The following RBFOX1 variants were observed in gnomAD, a reference collection of about 807,000 sequenced individuals.
RBFOX1 encodes RNA binding protein fox-1 homolog 1.
A neutral mutation model predicts 57.7 loss-of-function variants in RBFOX1; 8 were observed. The ratio of observed to expected loss-of-function variants is 0.14; its 90% CI spans 0.08 to 0.25. RBFOX1 has a LOEUF of 0.25. RBFOX1 is among the 10% of genes least tolerant of loss of function. The pLI, the probability that RBFOX1 is intolerant of heterozygous loss-of-function variation, is 1.00. For missense variants in RBFOX1, 611 were observed against 548.5 expected (o/e 1.11, Z -1.14); for synonymous variants, 326 against 222.4 (o/e 1.47, Z -4.15).
At chr16:7,122,066 G>T (rs1357490725) in intron 4 of RBFOX1, among the ~76,000 whole-genome samples, 1 of 151,956 alleles carries the variant, frequency 6.6e-6, no homozygotes, top group East Asian at 1.9e-4. Flanking sequence ...AGAACACATG[G>T]GTAAAATATT....
chr16:5,736,899 C>T (rs1311149487), intron 3 of RBFOX1, among the ~76,000 whole-genome samples: 1 of 145,844 alleles, frequency 6.9e-6, no homozygotes, highest in Admixed American at 6.9e-5. Flanking sequence ...CTCTCTCTCC[C>T]CCTCCGTCTC....
rs1488703608 is a variant in RBFOX1, at chr16:5,434,772, C to A, written c.220-32444C>A. Among the ~76,000 whole-genome samples, 11 of 152,164 alleles carry A rather than the reference C, an allele frequency of 7.2e-5. 1 individual carries two copies. Among genetic ancestry groups the A allele is most frequent in the Non-Finnish European group, 5.9e-5 (4 of 68,034 alleles). On this transcript the variant is annotated intron_variant, in intron 1 of 2. Coordinates refer to the RBFOX1 transcript ENST00000585867. ...TTGTCCTTTGTCTTATCTGGCTATA[C>A]CCTGACTTTGCATAGTTATATAACT...
intron 1 of RBFOX1, among the ~76,000 whole-genome samples, chr16:5,418,587 C>A (rs2067222917): frequency 6.6e-6 from 1 of 151,992 alleles, no homozygotes; most frequent in Non-Finnish European, 1.5e-5. Context: ...GGAATGTGAA[C>A]CAGTTTATGG....
intron 3 of RBFOX1, among the ~76,000 whole-genome samples, chr16:6,995,757 T>C (rs746012557): frequency 2.6e-5 from 4 of 152,144 alleles, no homozygotes; most frequent in Admixed American, 6.6e-5. Flanking sequence ...TGAGACTCCA[T>C]CTTAAAAAAA....
At chr16:5,448,843 G>A (rs764091981) in intron 1 of RBFOX1, among the ~76,000 whole-genome samples, 11 of 152,152 alleles carry the variant, frequency 7.2e-5, no homozygotes, top group Non-Finnish European at 7.4e-5. Flanking sequence ...AGCAGATAAA[G>A]ATCTCTGTCC....
intron 3 of RBFOX1, among the ~76,000 whole-genome samples, chr16:7,013,439 T>G (rs2093748864): frequency 6.6e-6 from 1 of 152,192 alleles, no homozygotes; most frequent in African/African-American, 2.4e-5. Context: ...TTGCTACGAC[T>G]GGGAAGAGGA....
At chr16:7,093,305 C>T (rs139791255) in intron 4 of RBFOX1, among the ~76,000 whole-genome samples, 298 of 152,304 alleles carry the variant, frequency 2.0e-3, no homozygotes, top group African/African-American at 6.8e-3. Context: ...GTGATGTATA[C>T]TGAGCTTGCC....
rs72776879 is a variant in RBFOX1, at chr16:7,675,411, A to C, written c.931-1363A>C. On this transcript the variant is annotated intron_variant, in intron 13 of 15. Transcript: ENST00000550418. The stretch of plus-strand genomic sequence containing the variant: ...TCCATTACCTCTTTAAGGGAAACAA[A>C]AAAAAAAAAAACTGGTTCTAAATTA... Among the ~76,000 whole-genome samples the C allele has an allele frequency of 9.9e-3, 1,348 of 136,450 alleles. 19 individuals are homozygous for C. The highest frequency in any genetic ancestry group is 0.011 in the Non-Finnish European group (736 of 67,720). 89.5% of individuals were successfully genotyped at this position (136,450 alleles called of 152,430 possible). A position where few individuals can be genotyped will look rare whatever the true frequency, so the allele number is the denominator to read the frequency against.
chr16:7,029,163 C>CAT (rs71147636), intron 3 of RBFOX1, among the ~76,000 whole-genome samples: 1,191 of 40,334 alleles, frequency 0.03, 128 homozygotes, highest in East Asian at 0.17. Flanking sequence ...TATATATACA[C>CAT]ATATATATAC....
At chr16:5,428,105 G>GGT (rs1169073538) in intron 1 of RBFOX1, among the ~76,000 whole-genome samples, 2,156 of 138,070 alleles carry the variant, frequency 0.016, 26 homozygotes, top group East Asian at 0.053. Context: ...GCTCTGGAAG[G>GGT]GTGTGTGTGT....
chr16:6,174,506 A>C (rs12925023), intron 1 of RBFOX1, among the ~76,000 whole-genome samples: 65,906 of 151,792 alleles, frequency 0.43, 14,589 homozygotes, highest in Admixed American at 0.52. Flanking sequence ...GAGGCACAAG[A>C]GTCGCTTGAA....
chr16:5,905,261 C>T (rs1018163763), intron 4 of RBFOX1, among the ~76,000 whole-genome samples: 20 of 151,600 alleles, frequency 1.3e-4, no homozygotes, highest in Admixed American at 2.6e-4. Flanking sequence ...AGAGACGGCC[C>T]AGGCTGGTCT....
At chr16:6,967,093 A>C (rs1481582876) in intron 3 of RBFOX1, among the ~76,000 whole-genome samples, 1 of 151,956 alleles carries the variant, frequency 6.6e-6, no homozygotes, top group Admixed American at 6.6e-5. Flanking sequence ...CCATCATTCT[A>C]TTTGTCTATA....
intron 3 of RBFOX1, among the ~76,000 whole-genome samples, chr16:5,813,008 C>CT (rs565304481): frequency 0.039 from 5,329 of 135,882 alleles, 339 homozygotes; most frequent in African/African-American, 0.12. Context: ...CCTTTAACCA[C>CT]TTTTTTTTTT....
At chr16:7,564,632 C>CCTGCACTA (rs949342879) in intron 5 of RBFOX1, among the ~76,000 whole-genome samples, 1 of 149,626 alleles carries the variant, frequency 6.7e-6, no homozygotes, top group African/African-American at 2.5e-5. Flanking sequence ...GCACTTTGAT[C>CCTGCACTA]CTGCACTACC....
At chr16:6,653,816 G>A (rs1602902707) in intron 2 of RBFOX1, among the ~76,000 whole-genome samples, 1 of 151,580 alleles carries the variant, frequency 6.6e-6, no homozygotes, top group South Asian at 2.1e-4. Context: ...ACGGATGAAT[G>A]GGAGAAGGAT....
In RBFOX1 at chr16:5,759,555, C is replaced by A. The variant is rs144731444; in HGVS notation, c.319-107748C>A. On this transcript the variant is annotated intron_variant, in intron 3 of 19. Transcript: ENST00000641259. ...GTTTTCTTAATTTCTGTAGCTCTTTCTATTTCTGTATTTAATGGCACAGAA... is the reference window on the plus strand; with the variant it reads ...GTTTTCTTAATTTCTGTAGCTCTTTATATTTCTGTATTTAATGGCACAGAA... 4.3e-3 allele frequency among the ~76,000 whole-genome samples: 650 copies of A among 152,312 alleles called. 6 individuals are homozygous for A. Among genetic ancestry groups the A allele is most frequent in the African/African-American group, 0.015 (622 of 41,564 alleles).
At chr16:7,037,385 G>T in intron 3 of RBFOX1, among the ~76,000 whole-genome samples, 1 of 151,804 alleles carries the variant, frequency 6.6e-6, no homozygotes, top group East Asian at 1.9e-4. Context: ...GGGATTATAG[G>T]CATACACCAC....
At chr16:6,967,599 C>T (rs1409632766) in intron 3 of RBFOX1, among the ~76,000 whole-genome samples, 3 of 152,024 alleles carry the variant, frequency 2.0e-5, no homozygotes, top group Non-Finnish European at 4.4e-5. Context: ...TCTAGTTCAC[C>T]CTGCCCCTCA....
Sources: gnomAD v4.1 joint callset for allele counts (sites outside exome capture counted in the v4.1 genomes callset) on GRCh38, gnomAD v4.1.1 for gene constraint, MANE v1.5 for transcripts, NCBI Gene and HGNC (gene_info 2026-07-23, HGNC 2026-07-21) for gene names.